KCNAB1: variants seen among roughly 807,000 people sequenced by gnomAD.
KCNAB1 encodes voltage-gated potassium channel subunit beta-1.
A neutral mutation model predicts 64.6 loss-of-function variants in KCNAB1; 35 were observed. The observed-to-expected ratio is 0.54, with a 90% CI of 0.41 to 0.72. The LOEUF is 0.72. KCNAB1 is among the 30% of genes least tolerant of loss of function. The probability of loss-of-function intolerance (pLI) is 0.00; values close to 1 mark genes in which losing one functional copy is unlikely to be tolerated. For missense variants in KCNAB1, 401 were observed against 512.9 expected (o/e 0.78, Z 2.11); for synonymous variants, 177 against 183.8 (o/e 0.96, Z 0.30).
intron 1 of KCNAB1, among the ~76,000 whole-genome samples, chr3:156,349,890 C>G (rs1171868787): frequency 6.6e-6 from 1 of 152,146 alleles, no homozygotes; most frequent in Admixed American, 6.5e-5. Context: ...TTTTCATTTT[C>G]TACTGAGTTC....
At chr3:156,357,159 G>A (rs1277462153) in intron 1 of KCNAB1, among the ~76,000 whole-genome samples, 2 of 147,314 alleles carry the variant, frequency 1.4e-5, no homozygotes, top group African/African-American at 2.5e-5. Context: ...ACATGTGCGC[G>A]CACACACACA....
intron 1 of KCNAB1, among the ~76,000 whole-genome samples, chr3:156,382,999 G>A (rs556552297): frequency 2.0e-5 from 3 of 152,140 alleles, no homozygotes; most frequent in African/African-American, 4.8e-5. Flanking sequence ...ATGATCTTTC[G>A]GGTGCTTTCT....
chr3:156,306,997 T>C (rs575721072), intron 1 of KCNAB1, among the ~76,000 whole-genome samples: 16 of 152,152 alleles, frequency 1.1e-4, no homozygotes, highest in South Asian at 2.1e-4. Context: ...GGAGTTAATA[T>C]TGTGTAAAAA....
chr3:156,521,398 G>A (rs1199469964), intron 11 of KCNAB1, among the ~76,000 whole-genome samples: 7 of 152,148 alleles, frequency 4.6e-5, no homozygotes, highest in Non-Finnish European at 8.8e-5. Flanking sequence ...TTGACTCCAC[G>A]GAACTCTGGT....
intron 1 of KCNAB1, chr3:156,290,919 C>CT: frequency 1.0e-6 from 1 of 963,796 alleles, no homozygotes. Context: ...AAAAGGAACT[C>CT]TGACAAGGCT....
rs553794005 is a variant in KCNAB1 at position 156,405,078 on chromosome 3, A to T, written c.276-16538A>T. On this transcript the variant is annotated intron_variant, in intron 1 of 13. Transcript: ENST00000490337. ...GATAAACTCCTCTAACTGAGACTTA[A>T]CTTAAAAATATGGCAGAAGAAATAT... is the stretch of plus-strand genomic sequence containing the variant. Among the ~76,000 whole-genome samples the T allele has an allele frequency of 2.6e-5, 4 of 152,352 alleles. No homozygotes were observed. In the South Asian group the frequency reaches 8.3e-4, roughly 32 times the overall value.
chr3:156,432,348 G>A (rs963647162), intron 2 of KCNAB1, among the ~76,000 whole-genome samples: 89 of 152,144 alleles, frequency 5.8e-4, no homozygotes, highest in African/African-American at 1.5e-3. Flanking sequence ...ATACTCTCTC[G>A]TTTCTATGTT....
chr3:156,539,113 G>A (rs533761787), downstream of KCNAB1: 4 of 152,290 alleles, frequency 2.6e-5, no homozygotes, highest in African/African-American at 9.6e-5. Context: ...CCCTGGCAGA[G>A]AATCTATCAT....
intron 1 of KCNAB1, among the ~76,000 whole-genome samples, chr3:156,332,604 G>C (rs1311383162): frequency 6.6e-6 from 1 of 152,088 alleles, no homozygotes; most frequent in Admixed American, 6.6e-5. Flanking sequence ...CTGCCAAACG[G>C]GACCAAGGCT....
At chr3:156,379,955 G>A (rs1712027556) in intron 1 of KCNAB1, among the ~76,000 whole-genome samples, 1 of 152,146 alleles carries the variant, frequency 6.6e-6, no homozygotes. Flanking sequence ...AAATGGAAGA[G>A]TCAGGACTAG....
chr3:156,178,705 G>T (rs1712562274), intron 1 of KCNAB1, among the ~76,000 whole-genome samples: 1 of 152,134 alleles, frequency 6.6e-6, no homozygotes, highest in African/African-American at 2.4e-5. Context: ...TGTTTCTCAA[G>T]ATTTATTATT....
intron 8 of KCNAB1, among the ~76,000 whole-genome samples, chr3:156,514,012 C>T (rs9942113): frequency 6.6e-6 from 1 of 151,944 alleles, no homozygotes; most frequent in Non-Finnish European, 1.5e-5. Flanking sequence ...TCACTTTAGT[C>T]GGGAAGGTAC....
chr3:156,205,632 C>A (rs895795943), intron 1 of KCNAB1, among the ~76,000 whole-genome samples: 3 of 152,168 alleles, frequency 2.0e-5, no homozygotes, highest in Non-Finnish European at 4.4e-5. Context: ...ACACCTAGCT[C>A]TCTCCCTAAA....
intron 1 of KCNAB1, among the ~76,000 whole-genome samples, chr3:156,307,716 C>A (rs58487185): frequency 0.015 from 2,318 of 152,276 alleles, 59 homozygotes; most frequent in African/African-American, 0.052. Flanking sequence ...TTACTCCAAC[C>A]ACGATGGAGC....
At chr3:156,454,568 C>T (rs1456773889) in intron 3 of KCNAB1, among the ~76,000 whole-genome samples, 1 of 152,140 alleles carries the variant, frequency 6.6e-6, no homozygotes, top group African/African-American at 2.4e-5. Flanking sequence ...AACCTGAGGG[C>T]ACATCCCAGA....
intron 1 of KCNAB1, among the ~76,000 whole-genome samples, chr3:156,171,813 T>A (rs1577668834): frequency 6.6e-6 from 1 of 152,338 alleles, no homozygotes; most frequent in East Asian, 1.9e-4. Context: ...TCTTTTGAAA[T>A]CAGTGACAAA....
chr3:156,361,113 T>C (rs1196545830), intron 1 of KCNAB1, among the ~76,000 whole-genome samples: 1 of 152,214 alleles, frequency 6.6e-6, no homozygotes, highest in African/African-American at 2.4e-5. Context: ...CTACATGCTC[T>C]GACACTTCAA....
intron 6 of KCNAB1, 72 bp downstream of exon 6, chr3:156,463,818 AC>A: frequency 8.3e-7 from 1 of 1,210,984 alleles, no homozygotes; most frequent in Non-Finnish European, 1.2e-6. Context: ...CAGTTATTTT[AC>A]ATATAACGTA....
intron 1 of KCNAB1, among the ~76,000 whole-genome samples, chr3:156,239,917 A>G (rs147189084): frequency 6.6e-6 from 1 of 152,164 alleles, no homozygotes; most frequent in East Asian, 1.9e-4. Context: ...TGATGGGTTG[A>G]GGTGGAAAGA....
Sources: allele counts gnomAD v4.1 joint callset (sites outside exome capture counted in the v4.1 genomes callset), GRCh38; gene constraint gnomAD v4.1.1; transcripts MANE v1.5; gene names NCBI Gene and HGNC (gene_info 2026-07-23, HGNC 2026-07-21).